Variants in CNTN4 observed in about 807,000 individuals in gnomAD.
The protein encoded by CNTN4 is contactin 4, also known as contactin-4.
CNTN4 carries 77 observed loss-of-function variants against 122.5 expected under a neutral mutation model. The ratio of observed to expected loss-of-function variants is 0.63; its 90% confidence interval spans 0.52 to 0.76. The LOEUF is 0.76. Among genes scored for constraint, CNTN4 ranks in the 30% least tolerant of loss-of-function variants. CNTN4 has a pLI of 0.00. For synonymous variants in CNTN4, 512 were observed against 447.0 expected (o/e 1.15, Z -1.83); for missense variants, 1,256 against 1,259.1 (o/e 1.00, Z 0.04).
At chr3:2,787,143 G>A (rs1031668269) in intron 6 of CNTN4, among the ~76,000 whole-genome samples, 8 of 152,138 alleles carry the variant, frequency 5.3e-5, no homozygotes, top group East Asian at 3.9e-4. Context: ...TTGGGAGGCC[G>A]AGGCGGGTGG....
chr3:3,004,725 C>T (rs1223140151), intron 14 of CNTN4, among the ~76,000 whole-genome samples: 1 of 152,222 alleles, frequency 6.6e-6, no homozygotes, highest in Non-Finnish European at 1.5e-5. Flanking sequence ...TTACTCTCTT[C>T]TCTTGCTGTA....
At chr3:2,706,965 A>G (rs1201731330) in intron 4 of CNTN4, among the ~76,000 whole-genome samples, 3 of 151,698 alleles carry the variant, frequency 2.0e-5, no homozygotes, top group African/African-American at 4.9e-5. Context: ...GGGAAGCACT[A>G]GATTATGTGT....
At chr3:2,961,705 A>G (rs2094861608) in intron 13 of CNTN4, among the ~76,000 whole-genome samples, 1 of 152,158 alleles carries the variant, frequency 6.6e-6, no homozygotes, top group African/African-American at 2.4e-5. Flanking sequence ...GGCTAGGGAA[A>G]CAAAGGCTAT....
At chr3:2,240,388 G>T (rs1280780117) in intron 2 of CNTN4, among the ~76,000 whole-genome samples, 2 of 151,912 alleles carry the variant, frequency 1.3e-5, no homozygotes, top group African/African-American at 4.8e-5. Context: ...TGCTCCTTTT[G>T]TTCCTGTTTA....
intron 6 of CNTN4, among the ~76,000 whole-genome samples, chr3:2,771,414 A>T (rs957214793): frequency 6.6e-6 from 1 of 152,240 alleles, no homozygotes; most frequent in African/African-American, 2.4e-5. Flanking sequence ...AGCAAGCCAC[A>T]TGGTGGGCAG....
intron 13 of CNTN4, among the ~76,000 whole-genome samples, chr3:2,977,013 CCG>C (rs2125152104): frequency 6.6e-6 from 1 of 152,288 alleles, no homozygotes; most frequent in Non-Finnish European, 1.5e-5. Context: ...TGTACTGTAT[CCG>C]TATGTCAGCT....
rs1177160670 is a variant in CNTN4 at position 2,317,733 on chromosome 3, A to G, written c.-144-21445A>G. ...GCTGTTACACTTTGTGCTTTGGTAC[A>G]GTTTGTAAAATGCTAGGTAGGAGAC... On this transcript the variant is annotated intron_variant, in intron 2 of 24. Coordinates refer to ENST00000418658, the MANE Select transcript of CNTN4 (RefSeq NM_175607.3). Among the ~76,000 whole-genome samples the G allele has an allele frequency of 2.6e-5, 4 of 152,202 alleles. No homozygotes were observed. In the East Asian group the frequency reaches 7.7e-4, roughly 29 times the overall value.
At chr3:2,211,206 G>T (rs921084447) in intron 2 of CNTN4, among the ~76,000 whole-genome samples, 1 of 151,968 alleles carries the variant, frequency 6.6e-6, no homozygotes, top group African/African-American at 2.4e-5. Flanking sequence ...GGCGGGGGTT[G>T]GGCGCCACAC....
At chr3:2,268,786 A>C (rs1405298074) in intron 2 of CNTN4, among the ~76,000 whole-genome samples, 1 of 152,162 alleles carries the variant, frequency 6.6e-6, no homozygotes, top group Admixed American at 6.6e-5. Flanking sequence ...CCTGCATGCA[A>C]ACAGCATTAT....
rs564650953 is a variant in CNTN4 at position 2,918,267 on chromosome 3, G to A, written c.1208-7362G>A. Among the ~76,000 whole-genome samples the A allele has an allele frequency of 3.9e-5, 6 of 152,320 alleles. No individual in the cohort carries two copies. In the East Asian group the frequency reaches 1.2e-3, roughly 29 times the overall value. On this transcript the variant is annotated intron_variant, in intron 12 of 24. Coordinates refer to ENST00000418658, the MANE Select transcript of CNTN4 (RefSeq NM_175607.3). ...TCACTGAAGTGCATGAAACTGCTGTGATAACTTGTCTCACAAAGCCTCAGG... is the reference window on the plus strand; with the variant it reads ...TCACTGAAGTGCATGAAACTGCTGTAATAACTTGTCTCACAAAGCCTCAGG...
intron 2 of CNTN4, among the ~76,000 whole-genome samples, chr3:2,225,280 C>G (rs1006064125): frequency 5.9e-5 from 9 of 151,438 alleles, no homozygotes; most frequent in Admixed American, 2.6e-4. Flanking sequence ...TTTGGGAGGC[C>G]GAGGCGGGTG....
chr3:2,235,278 C>G (rs1237349053), intron 2 of CNTN4, among the ~76,000 whole-genome samples: 1 of 152,096 alleles, frequency 6.6e-6, no homozygotes, highest in Non-Finnish European at 1.5e-5. Flanking sequence ...ATTATGCATG[C>G]TATGATAACC....
intron 4 of CNTN4, among the ~76,000 whole-genome samples, chr3:2,691,758 G>A (rs929727526): frequency 6.6e-6 from 1 of 152,080 alleles, no homozygotes; most frequent in African/African-American, 2.4e-5. Context: ...AACAAAAGAG[G>A]GTTAGATGTA....
chr3:2,513,988 C>T (rs557820520), intron 3 of CNTN4, among the ~76,000 whole-genome samples: 15 of 152,296 alleles, frequency 9.8e-5, no homozygotes, highest in African/African-American at 3.6e-4. Context: ...TGTTTGCATG[C>T]ATACAAATCT....
chr3:2,712,921 C>A (rs112795700), intron 4 of CNTN4, among the ~76,000 whole-genome samples: 2 of 152,188 alleles, frequency 1.3e-5, no homozygotes, highest in Non-Finnish European at 2.9e-5. Flanking sequence ...CCAAGCAGGG[C>A]GTGGAAGCTC....
chr3:2,251,497 G>A (rs975627194), intron 2 of CNTN4, among the ~76,000 whole-genome samples: 1 of 151,786 alleles, frequency 6.6e-6, no homozygotes, highest in Non-Finnish European at 1.5e-5. Context: ...ATATGTCTTT[G>A]CATAATCAAC....
At chr3:2,392,272 G>T (rs562332566) in intron 3 of CNTN4, among the ~76,000 whole-genome samples, 1 of 152,276 alleles carries the variant, frequency 6.6e-6, no homozygotes, top group African/African-American at 2.4e-5. Flanking sequence ...CTGTCCTCTG[G>T]TGTAGATTTG....
intron 13 of CNTN4, among the ~76,000 whole-genome samples, chr3:2,946,426 T>A (rs923204344): frequency 2.0e-5 from 3 of 152,176 alleles, no homozygotes; most frequent in Non-Finnish European, 4.4e-5. Flanking sequence ...ACTATTGACG[T>A]GTATATGCTC....
intron 7 of CNTN4, among the ~76,000 whole-genome samples, chr3:2,829,478 A>G (rs1235953975): frequency 2.0e-5 from 3 of 152,210 alleles, no homozygotes; most frequent in Non-Finnish European, 4.4e-5. Flanking sequence ...CAAAAGAAGC[A>G]AAAGGGAGGA....
Sources: gnomAD v4.1 joint callset for allele counts (sites outside exome capture counted in the v4.1 genomes callset) on GRCh38, gnomAD v4.1.1 for gene constraint, MANE v1.5 for transcripts, NCBI Gene and HGNC (gene_info 2026-07-23, HGNC 2026-07-21) for gene names.